GBF1: variants seen among roughly 807,000 people sequenced by gnomAD.
The protein encoded by GBF1 is Golgi-specific brefeldin A-resistance guanine nucleotide exchange factor 1.
GBF1 carries 114 observed loss-of-function variants against 210.5 expected under a neutral mutation model. The observed-to-expected ratio is 0.54, with a 90% CI of 0.47 to 0.63. The LOEUF (loss-of-function observed/expected upper bound fraction) is 0.63. Ranked by LOEUF, GBF1 falls within the 30% of genes least tolerant of loss-of-function variation. The pLI, the probability that GBF1 is intolerant of heterozygous loss-of-function variation, is 0.00. For synonymous variants in GBF1, 850 were observed against 889.2 expected (o/e 0.96, Z 0.78); for missense variants, 1,851 against 2,357.7 (o/e 0.79, Z 4.45).
intron 3 of GBF1, among the ~76,000 whole-genome samples, chr10:102,341,658 A>G (rs79928834): frequency 0.012 from 1,861 of 152,372 alleles, 33 homozygotes; most frequent in African/African-American, 0.043. Flanking sequence ...AATTTCAGTC[A>G]TCATGTTGAA....
chr10:102,241,569 C>T (rs2133819298), upstream of GBF1: 1 of 152,552 alleles, frequency 6.6e-6, no homozygotes, highest in Admixed American at 6.5e-5. This position sits in a 1 kb window ranked among gnomAD's most constrained non-coding sequence, Gnocchi z 6.7. Flanking sequence ...CAGCCCGCCG[C>T]GGCGAGCCGC....
chr10:102,348,025 T>A (rs1018195698), intron 4 of GBF1, among the ~76,000 whole-genome samples: 1 of 152,064 alleles, frequency 6.6e-6, no homozygotes, highest in Non-Finnish European at 1.5e-5. Context: ...CAACCTCCAT[T>A]TCCTGAGTTC....
chr10:102,330,788 G>C (rs559660851), intron 3 of GBF1, among the ~76,000 whole-genome samples: 1 of 152,310 alleles, frequency 6.6e-6, no homozygotes, highest in African/African-American at 2.4e-5. Flanking sequence ...TGTGAGGGTG[G>C]TAGATAGCAG....
intron 3 of GBF1, among the ~76,000 whole-genome samples, chr10:102,303,524 TC>T (rs2077578132): frequency 6.6e-6 from 1 of 152,214 alleles, no homozygotes; most frequent in Admixed American, 6.5e-5. Flanking sequence ...TTGATGACTT[TC>T]TACTGCTATG....
chr10:102,316,221 G>A (rs2078919754), intron 3 of GBF1, among the ~76,000 whole-genome samples: 1 of 151,606 alleles, frequency 6.6e-6, no homozygotes, highest in Admixed American at 6.6e-5. Flanking sequence ...CATGTAGCTG[G>A]GATTACAAGC....
the GBF1 span, among the ~76,000 whole-genome samples, chr10:102,233,288 T>TC: frequency 1.1e-4 from 2 of 17,424 alleles, no homozygotes; most frequent in African/African-American, 4.8e-4. Context: ...GACTTCTTTC[T>TC]TTTTTTTTTT....
intron 3 of GBF1, among the ~76,000 whole-genome samples, chr10:102,326,016 C>T (rs1396177517): frequency 6.6e-6 from 1 of 152,100 alleles, no homozygotes; most frequent in African/African-American, 2.4e-5. Flanking sequence ...GTCACCTGGC[C>T]TATTTTATAC....
At chr10:102,286,145 G>A (rs908174760) in intron 3 of GBF1, among the ~76,000 whole-genome samples, 2 of 151,344 alleles carry the variant, frequency 1.3e-5, no homozygotes, top group African/African-American at 4.9e-5. Context: ...TGAATGACAG[G>A]TATGTCTGGA....
In GBF1 at chr10:102,258,212, A is replaced by G. The variant is rs556088710; in HGVS notation, c.-10-717A>G. Among the ~76,000 whole-genome samples the G allele has an allele frequency of 1.0e-3, 149 of 143,078 alleles. 2 individuals carry two copies. Among genetic ancestry groups the G allele is most frequent in the Non-Finnish European group, 1.2e-3 (82 of 66,538 alleles). The allele number at this position is 143,078 out of a possible 152,430, so 93.9% of individuals were successfully genotyped here. On this transcript the variant is annotated intron_variant, in intron 1 of 39. Transcript: ENST00000369983. ...CTCTTGTTGCCCAGGCTGGAGTGCAATGGGGCGATCTTGGCTCACACAACC... is the reference window on the plus strand; with the variant it reads ...CTCTTGTTGCCCAGGCTGGAGTGCAGTGGGGCGATCTTGGCTCACACAACC...
upstream of GBF1, among the ~76,000 whole-genome samples, chr10:102,245,143 A>G (rs1449127461): frequency 6.6e-6 from 1 of 152,176 alleles, no homozygotes; most frequent in Non-Finnish European, 1.5e-5. Flanking sequence ...ACAGGGGAGT[A>G]GGGATGCCCG....
intron 3 of GBF1, among the ~76,000 whole-genome samples, chr10:102,314,803 T>C (rs1443917799): frequency 6.6e-6 from 1 of 152,220 alleles, no homozygotes; most frequent in Non-Finnish European, 1.5e-5. Context: ...TCTTTGCTCT[T>C]TCAGCAGAGA....
intron 3 of GBF1, among the ~76,000 whole-genome samples, chr10:102,334,791 G>C (rs1270450362): frequency 6.6e-6 from 1 of 151,928 alleles, no homozygotes; most frequent in African/African-American, 2.4e-5. Flanking sequence ...GGAGGTTACA[G>C]TGAGCCAAAA....
chr10:102,363,593 CA>C lies in GBF1; in HGVS notation c.2018-115del. 1 of 832,104 alleles carries C rather than the reference CA, an allele frequency of 1.2e-6. No individual in the cohort carries two copies. The highest frequency in any genetic ancestry group is 2.0e-6 in the Non-Finnish European group (1 of 495,674). 51.5% of individuals were successfully genotyped at this position (832,104 alleles called of 1,614,324 possible). ...CAGGGAAGTGGAAGACTGGTGAGGA[CA>C]AGATTTCTGAGGCTCCTTCTTGAAA... On this transcript the variant is annotated intron_variant, in intron 16 of 39. Coordinates refer to ENST00000369983, the MANE Select transcript of GBF1 (RefSeq NM_001377137.1). This position sits in a 1 kb window ranked among gnomAD's most constrained non-coding sequence, Gnocchi z 4.2.
chr10:102,250,727 G>C (rs1322179148), intron 1 of GBF1, among the ~76,000 whole-genome samples: 2 of 152,018 alleles, frequency 1.3e-5, no homozygotes, highest in Non-Finnish European at 2.9e-5. Flanking sequence ...GAAGTCAAGG[G>C]AGGCAGATCA....
intron 3 of GBF1, among the ~76,000 whole-genome samples, chr10:102,318,554 G>A (rs969391872): frequency 3.9e-5 from 6 of 151,982 alleles, no homozygotes; most frequent in Middle Eastern, 3.2e-3. Context: ...CTTGGTACAC[G>A]ATTTTTTGCT....
At chr10:102,283,396 T>TAGCAATGAGCAA (rs1396058180) in intron 3 of GBF1, among the ~76,000 whole-genome samples, 1 of 152,136 alleles carries the variant, frequency 6.6e-6, no homozygotes, top group Non-Finnish European at 1.5e-5. Flanking sequence ...GCTGTGGAAA[T>TAGCAATGAGCAA]AGCAATGAGC....
intron 29 of GBF1, among the ~76,000 whole-genome samples, chr10:102,372,234 C>T (rs547710979): frequency 3.4e-4 from 51 of 150,574 alleles, no homozygotes; most frequent in African/African-American, 1.2e-3. Flanking sequence ...GACTTACTCT[C>T]GGCTGGACAC....
chr10:102,236,109 G>A, the GBF1 span, among the ~76,000 whole-genome samples: 8 of 152,186 alleles, frequency 5.3e-5, no homozygotes, highest in Non-Finnish European at 8.8e-5. Context: ...ACCTCTAGCC[G>A]ACTCACGTCC....
intron 3 of GBF1, among the ~76,000 whole-genome samples, chr10:102,288,422 G>A (rs544068824): frequency 1.3e-5 from 2 of 152,302 alleles, no homozygotes; most frequent in East Asian, 1.9e-4. Flanking sequence ...ATTTAAAAAC[G>A]AAATTACGGC....
Sources: gnomAD v4.1 joint callset for allele counts (sites outside exome capture counted in the v4.1 genomes callset) on GRCh38, gnomAD v4.1.1 for gene constraint, Gnocchi (gnomAD v3.1) non-coding constraint, MANE v1.5 for transcripts, NCBI Gene and HGNC (gene_info 2026-07-23, HGNC 2026-07-21) for gene names.